The following KIF26A variants were observed in gnomAD, a reference collection of about 807,000 sequenced individuals.
The protein encoded by KIF26A is kinesin family member 26A, also known as kinesin-like protein KIF26A.
In KIF26A, 74 loss-of-function variants were observed where a neutral mutation model predicts 126.0. That is an observed-to-expected ratio of 0.59 (90% CI 0.49 to 0.71). The LOEUF (loss-of-function observed/expected upper bound fraction) is 0.71. KIF26A is among the 30% of genes least tolerant of loss of function. The pLI is 0.00. For missense variants in KIF26A, 2,984 were observed against 2,763.3 expected (o/e 1.08, Z -1.79); for synonymous variants, 1,445 against 1,232.7 (o/e 1.17, Z -3.61).
At chr14:104,166,566 G>A (rs2037904884) in intron 4 of KIF26A, among the ~76,000 whole-genome samples, 1 of 152,146 alleles carries the variant, frequency 6.6e-6, no homozygotes, top group Non-Finnish European at 1.5e-5. Context: ...TGGGGGGATG[G>A]CATTCAGTGC....
chr14:104,158,057 G>C, intron 4 of KIF26A, 115 bp downstream of exon 4: 1 of 1,022,614 alleles, frequency 9.8e-7, no homozygotes, highest in Non-Finnish European at 1.3e-6. Context: ...TTGCTGCTGA[G>C]ACGAGTGGAT....
At chr14:104,173,660 TG>T (rs750741584) in intron 9 of KIF26A, 45 bp from the exon 10 acceptor site, 2 of 1,598,096 alleles carry the variant, frequency 1.3e-6, no homozygotes, top group Non-Finnish European at 8.5e-7. Context: ...GAGCAGGATC[TG>T]GGGGCCCCTG....
At position 104,139,300 on chromosome 14, in the gene KIF26A, T is replaced by C; in HGVS notation, c.288+12T>C. ...GGACCACCCTCCGGGTAAGTGACAC[T>C]TCCTTAGGCCGACCCCTCCGAGCAG... On this transcript the variant is annotated intron_variant, in intron 2 of 14. Coordinates refer to ENST00000423312, the MANE Select transcript of KIF26A (RefSeq NM_015656.2). 7 of 1,469,650 alleles carry C rather than the reference T, an allele frequency of 4.8e-6. No individual in the cohort carries two copies. The highest frequency in any genetic ancestry group is 6.3e-6 in the Non-Finnish European group (7 of 1,106,202). The allele number at this position is 1,469,650 out of a possible 1,614,324, so 91.0% of individuals were successfully genotyped here. A position where few individuals can be genotyped will look rare whatever the true frequency, so the allele number is the denominator to read the frequency against.
chr14:104,174,953 G>A (rs1265830031), intron 11 of KIF26A, 29 bp from the exon 12 acceptor site: 2 of 1,493,590 alleles, frequency 1.3e-6, no homozygotes, highest in African/African-American at 1.4e-5. Flanking sequence ...GGGAGACTGG[G>A]CTCGGCAGCT....
chr14:104,177,017 A>T lies in KIF26A; in HGVS notation c.4229A>T (p.His1410Leu). ...EEPRPSSRADHSVPRATSSLK... is the reference protein window; with the variant it reads ...EEPRPSSRADLSVPRATSSLK... ...CCCAGACCCAGCAGCCGGGCTGACC[A>T]CTCTGTCCCCAGGGCCACGTCCAGC... Residue 1410 changes from histidine to leucine, a missense_variant, in exon 12 of 15, where the codon CAC becomes CTC. Coordinates refer to ENST00000423312, the MANE Select transcript of KIF26A (RefSeq NM_015656.2). The T allele has an allele frequency of 6.4e-7, 1 of 1,561,456 alleles. No homozygotes were observed. Among genetic ancestry groups the T allele is most frequent in the Non-Finnish European group, 8.6e-7 (1 of 1,161,760 alleles).
rs2038053234 is a variant in KIF26A at position 104,177,915 on chromosome 14, A to C, written c.5110+17A>C. On this transcript the variant is annotated intron_variant, in intron 12 of 14. Transcript: ENST00000423312. ...GGGCCACAGGTGGGTGCAGAGGTGC[A>C]CAGCCCTCTACAGTTTACGGGCTTT... 1.3e-6 allele frequency: 2 copies of C among 1,484,714 alleles called. No homozygotes were observed. Among genetic ancestry groups the C allele is most frequent in the Non-Finnish European group, 1.8e-6 (2 of 1,126,086 alleles). The allele number at this position is 1,484,714 out of a possible 1,614,324, so 92.0% of individuals were successfully genotyped here.
At chr14:104,155,953 C>T (rs1277306141) in intron 3 of KIF26A, among the ~76,000 whole-genome samples, 1 of 152,216 alleles carries the variant, frequency 6.6e-6, no homozygotes, top group Non-Finnish European at 1.5e-5. Context: ...GTGGGGGAGG[C>T]AGGGTGTCCT....
At chr14:104,164,688 G>A (rs1187194483) in intron 4 of KIF26A, among the ~76,000 whole-genome samples, 2 of 151,312 alleles carry the variant, frequency 1.3e-5, no homozygotes, top group Non-Finnish European at 3.0e-5. Context: ...GTGTGTATGT[G>A]TGTGCTCTGT....
rs745564083 is a variant in KIF26A, at chr14:104,175,327, C to A, written c.2539C>A (p.Arg847=). The A allele has an allele frequency of 1.2e-6, 2 of 1,603,932 alleles. No individual in the cohort carries two copies. The highest frequency in any genetic ancestry group is 3.3e-5 in the Admixed American group (2 of 59,946). Residue 847 remains arginine, a synonymous_variant, in exon 12 of 15, where the codon CGG becomes AGG. Transcript: ENST00000423312. ...CAGCACCTTCGCGGAGCTGCAGGAG[C>A]GGCTGGAATGCATGGACGGCAACGA... The part of the protein sequence containing the change: ...RCSTFAELQE[R]LECMDGNEGP...
At chr14:104,149,999 T>A (rs1374527413) in intron 2 of KIF26A, among the ~76,000 whole-genome samples, 2 of 152,210 alleles carry the variant, frequency 1.3e-5, no homozygotes, top group Non-Finnish European at 2.9e-5. Context: ...AGGCCCTGTC[T>A]GCCCTCAGCC....
Position 104,171,732 on chromosome 14 carries a change from A to G in KIF26A, c.1123A>G (p.Met375Val). Residue 375 changes from methionine (M) to valine (V), a missense_variant, in exon 6 of 15, where the codon ATG becomes GTG. Transcript: ENST00000423312. ...NPGSIGKVKV[M>V]LRIWPAQGAQ... ...CCCACCTCTGCCCCAGGTGAAGGTT[A>G]TGCTGCGGATCTGGCCCGCACAGGG... is the stretch of plus-strand genomic sequence containing the variant. 2 of 1,573,604 alleles carry G rather than the reference A, an allele frequency of 1.3e-6. No individual in the cohort carries two copies. Among genetic ancestry groups the G allele is most frequent in the East Asian group, 2.3e-5 (1 of 42,632 alleles).
chr14:104,174,153 A>G lies in KIF26A; in HGVS notation c.2036A>G (p.His679Arg), dbSNP rs2037990411. 1.3e-6 allele frequency: 2 copies of G among 1,572,636 alleles called. No homozygotes were observed. Among genetic ancestry groups the G allele is most frequent in the South Asian group, 1.2e-5 (1 of 85,608 alleles). ...NGAKHVPYRD[H>R]RLTMLLRESL... ...TGAACCGCCTCGACCCGCAGGGACC[A>G]CAGGCTCACCATGCTGCTGCGTGAA... The change falls in exon 11 of 15, where the codon CAC becomes CGC. Residue 679 changes from histidine to arginine, a missense_variant. Transcript: ENST00000423312.
Position 104,173,005 on chromosome 14 carries a change from C to T in KIF26A, c.1449C>T (p.Asp483=), listed in dbSNP as rs777188493. The T allele has an allele frequency of 1.2e-6, 2 of 1,602,070 alleles. No homozygotes were observed. Among genetic ancestry groups the T allele is most frequent in the African/African-American group, 2.7e-5 (2 of 74,714 alleles). Residue 483 remains aspartate, a synonymous_variant, in exon 8 of 15, where the codon GAC becomes GAT. Transcript: ENST00000423312. ...LGKSYTMIGK[D]SSPQSLGIVP... ...AGTCGTACACCATGATCGGGAAGGACAGCTCACCCCAGAGCCTGGGCATCG... is the reference window on the plus strand; with the variant it reads ...AGTCGTACACCATGATCGGGAAGGATAGCTCACCCCAGAGCCTGGGCATCG...
chr14:104,151,945 C>T lies in KIF26A; in HGVS notation c.289-70C>T. On this transcript the variant is annotated intron_variant, in intron 2 of 14. Coordinates refer to ENST00000423312, the MANE Select transcript of KIF26A (RefSeq NM_015656.2). This position sits in a 1 kb window ranked among gnomAD's most constrained non-coding sequence, Gnocchi z 4.9. ...CGCAGCGTCATGGACGGTGAGAGTGCTGGTGGGCTCTGGGTGCCGGCCCTC... is the reference window on the plus strand; with the variant it reads ...CGCAGCGTCATGGACGGTGAGAGTGTTGGTGGGCTCTGGGTGCCGGCCCTC... 7.2e-7 allele frequency: 1 copy of T among 1,385,378 alleles called. No homozygotes were observed. Among genetic ancestry groups the T allele is most frequent in the African/African-American group, 1.4e-5 (1 of 70,372 alleles). 85.8% of individuals were successfully genotyped at this position (1,385,378 alleles called of 1,614,324 possible). A position where few individuals can be genotyped will look rare whatever the true frequency, so the allele number is the denominator to read the frequency against.
At position 104,157,836 on chromosome 14, in the gene KIF26A, A is replaced by G. The variant is rs1215973932; in HGVS notation, c.817A>G (p.Lys273Glu). 1.2e-6 allele frequency: 2 copies of G among 1,609,512 alleles called. No individual in the cohort carries two copies. The highest frequency in any genetic ancestry group is 1.7e-6 in the Non-Finnish European group (2 of 1,178,328). ...CGTGGCCGGCCCTGATGGCTTGTCGAAGGCCTGGGGCCGTGGTGGAGTCTG... is the reference window on the plus strand; with the variant it reads ...CGTGGCCGGCCCTGATGGCTTGTCGGAGGCCTGGGGCCGTGGTGGAGTCTG... ...PPVAGPDGLS[K>E]AWGRGGVCTS... The change falls in exon 4 of 15, where the codon AAG (lysine) becomes GAG (glutamate). Residue 273 changes from lysine to glutamate, a missense_variant. Physicochemically the swap from Lys to Glu is moderately conservative, Grantham distance 56 (BLOSUM62 1). Transcript: ENST00000423312.
In KIF26A at chr14:104,180,140, C is replaced by T. The variant is rs371222264; in HGVS notation, c.*350C>T. On this transcript the variant is annotated 3_prime_UTR_variant, in exon 15 of 15. Coordinates refer to ENST00000423312, the MANE Select transcript of KIF26A (RefSeq NM_015656.2). ...CGCCTGTCCGGGCCGGGGCTGGCGC[C>T]GGTTGTGTTTGTGTCCACCTTGCCT... 49 of 227,324 alleles carry T rather than the reference C, an allele frequency of 2.2e-4. 1 individual carries two copies. Among genetic ancestry groups the T allele is most frequent in the East Asian group, 1.6e-3 (18 of 11,146 alleles). The allele number at this position is 227,324 out of a possible 1,614,324, so 14.1% of individuals were successfully genotyped here. A position where few individuals can be genotyped will look rare whatever the true frequency, so the allele number is the denominator to read the frequency against.
rs946027779 is a variant in KIF26A, at chr14:104,152,945, G to T, written c.735+484G>T. ...TGCCTGCCCCTGTGGCACCCTGGGGGCAGAGGGACATGTGGGTGGCTGTGA... is the reference window on the plus strand; with the variant it reads ...TGCCTGCCCCTGTGGCACCCTGGGGTCAGAGGGACATGTGGGTGGCTGTGA... On this transcript the variant is annotated intron_variant, in intron 3 of 14. Transcript: ENST00000423312. The surrounding 1 kb of genome is among the most constrained non-coding windows in gnomAD (Gnocchi z 5.9). 2.0e-5 allele frequency among the ~76,000 whole-genome samples: 3 copies of T among 152,162 alleles called. No individual in the cohort carries two copies. The highest frequency in any genetic ancestry group is 7.2e-5 in the African/African-American group (3 of 41,420).
chr14:104,143,471 C>G (rs1305078337), intron 2 of KIF26A, among the ~76,000 whole-genome samples: 6 of 152,116 alleles, frequency 3.9e-5, no homozygotes, highest in Non-Finnish European at 8.8e-5. Flanking sequence ...CTCCTGCCAG[C>G]TTTTCGTTCC....
At chr14:104,166,781 G>T in intron 4 of KIF26A, 78 bp from the exon 5 acceptor site, 1 of 1,343,820 alleles carries the variant, frequency 7.4e-7, no homozygotes, top group South Asian at 1.5e-5. Flanking sequence ...GGGTGGGATC[G>T]CCTGGTGACT....
Sources: gnomAD v4.1 joint callset for allele counts (sites outside exome capture counted in the v4.1 genomes callset) on GRCh38, gnomAD v4.1.1 for gene constraint, Gnocchi (gnomAD v3.1) non-coding constraint, MANE v1.5 for transcripts, NCBI Gene and HGNC (gene_info 2026-07-23, HGNC 2026-07-21) for gene names.